FBXL17: variants seen among roughly 807,000 people sequenced by gnomAD.
The protein encoded by FBXL17 is F-box and leucine rich repeat protein 17, also known as F-box/LRR-repeat protein 17.
A neutral mutation model predicts 66.2 loss-of-function variants in FBXL17; 22 were observed. That is an observed-to-expected ratio of 0.33 (90% CI 0.24 to 0.47). The LOEUF (loss-of-function observed/expected upper bound fraction) is 0.47. FBXL17 is among the 20% of genes least tolerant of loss of function. The pLI, the probability that FBXL17 is intolerant of heterozygous loss-of-function variation, is 1.00. For missense variants in FBXL17, 878 were observed against 948.2 expected (o/e 0.93, Z 0.97); for synonymous variants, 474 against 400.5 (o/e 1.18, Z -2.19).
chr5:108,195,603 T>G (rs377729183), intron 5 of FBXL17, among the ~76,000 whole-genome samples: 1 of 152,288 alleles, frequency 6.6e-6, no homozygotes, highest in South Asian at 2.1e-4. Context: ...GAGTGTACTA[T>G]GTTCTAATTT....
At chr5:108,076,955 T>C (rs969680603) in intron 6 of FBXL17, among the ~76,000 whole-genome samples, 4 of 152,208 alleles carry the variant, frequency 2.6e-5, no homozygotes, top group Admixed American at 2.6e-4. Context: ...AGAAACCCCT[T>C]GGAAAGACTG....
chr5:108,230,311 A>C (rs1755272545), intron 4 of FBXL17, among the ~76,000 whole-genome samples: 1 of 152,206 alleles, frequency 6.6e-6, no homozygotes, highest in South Asian at 2.1e-4. Context: ...CAAAAATATG[A>C]AACCAGCCCA....
intron 7 of FBXL17, among the ~76,000 whole-genome samples, chr5:107,956,176 GATGA>G (rs1751660183): frequency 6.6e-6 from 1 of 152,062 alleles, no homozygotes; most frequent in Non-Finnish European, 1.5e-5. Flanking sequence ...ACACACAATG[GATGA>G]ATGTATAGAT....
intron 6 of FBXL17, among the ~76,000 whole-genome samples, chr5:108,170,183 A>G (rs1350819563): frequency 6.6e-6 from 1 of 152,212 alleles, no homozygotes; most frequent in Non-Finnish European, 1.5e-5. Flanking sequence ...AATTCAGTTT[A>G]AATTCAAGTT....
chr5:107,909,567 T>C (rs1749881592), intron 7 of FBXL17, among the ~76,000 whole-genome samples: 1 of 152,208 alleles, frequency 6.6e-6, no homozygotes. Context: ...TAAACTAAAA[T>C]ATTTCTTCAG....
intron 6 of FBXL17, among the ~76,000 whole-genome samples, chr5:108,025,704 A>AC (rs1754781019): frequency 8.1e-6 from 1 of 123,392 alleles, no homozygotes; most frequent in African/African-American, 4.6e-5. Context: ...CACACACACA[A>AC]ACACACACAC....
chr5:108,321,130 C>CA (rs1443528926), intron 4 of FBXL17, among the ~76,000 whole-genome samples: 2 of 149,742 alleles, frequency 1.3e-5, no homozygotes, highest in African/African-American at 5.1e-5. Context: ...TGCTGATGCT[C>CA]GTAAGAAATT....
chr5:108,147,252 A>T (rs1751596474), intron 6 of FBXL17, among the ~76,000 whole-genome samples: 1 of 152,234 alleles, frequency 6.6e-6, no homozygotes, highest in Non-Finnish European at 1.5e-5. Flanking sequence ...CGAAGCAGAA[A>T]AAATAAAAGT....
At chr5:108,094,513 T>C (rs769483543) in intron 6 of FBXL17, among the ~76,000 whole-genome samples, 64 of 152,234 alleles carry the variant, frequency 4.2e-4, no homozygotes, top group Middle Eastern at 3.4e-3. Context: ...CTCTCCAATA[T>C]ATTTAAAGAA....
chr5:108,352,148 T>A (rs961690790), intron 3 of FBXL17, among the ~76,000 whole-genome samples: 7 of 152,234 alleles, frequency 4.6e-5, no homozygotes, highest in African/African-American at 1.7e-4. Flanking sequence ...TTACTACTAC[T>A]GAGTAAAACC....
chr5:107,967,827 T>C (rs1042835779), intron 7 of FBXL17, among the ~76,000 whole-genome samples: 3 of 152,148 alleles, frequency 2.0e-5, no homozygotes, highest in African/African-American at 4.8e-5. Context: ...CAGCTTTTTA[T>C]GTTACAAATA....
intron 7 of FBXL17, among the ~76,000 whole-genome samples, chr5:107,952,551 G>A (rs1239471679): frequency 6.6e-6 from 1 of 152,192 alleles, no homozygotes; most frequent in South Asian, 2.1e-4. Flanking sequence ...GTTCTCTGAT[G>A]TATGTTACAT....
chr5:108,010,388 G>T (rs963212416), intron 7 of FBXL17, among the ~76,000 whole-genome samples: 4 of 152,128 alleles, frequency 2.6e-5, no homozygotes, highest in African/African-American at 9.7e-5. Context: ...ATGTGTCTGG[G>T]GATTAAGTGA....
intron 7 of FBXL17, among the ~76,000 whole-genome samples, chr5:107,907,195 C>T (rs2112541093): frequency 1.3e-5 from 2 of 152,276 alleles, no homozygotes; most frequent in South Asian, 2.1e-4. Flanking sequence ...TTGTAAAGAC[C>T]TCTGAAGTGT....
At chr5:108,263,755 A>G (rs1554081178) in intron 4 of FBXL17, among the ~76,000 whole-genome samples, 4 of 152,210 alleles carry the variant, frequency 2.6e-5, no homozygotes, top group Non-Finnish European at 2.9e-5. Context: ...TTTTCACATT[A>G]TCCTGAAAAA....
chr5:108,154,397 C>A (rs1192641765), intron 6 of FBXL17, among the ~76,000 whole-genome samples: 1 of 150,360 alleles, frequency 6.7e-6, no homozygotes, highest in Admixed American at 6.6e-5. Context: ...AGTTCGAGAC[C>A]AGCCTCAACA....
At chr5:108,235,385 A>G (rs779398933) in intron 4 of FBXL17, among the ~76,000 whole-genome samples, 1 of 152,214 alleles carries the variant, frequency 6.6e-6, no homozygotes, top group African/African-American at 2.4e-5. Context: ...TCGTTATACT[A>G]GCACTGTAAA....
intron 6 of FBXL17, among the ~76,000 whole-genome samples, chr5:108,022,276 C>T (rs1490526634): frequency 2.0e-5 from 3 of 151,662 alleles, no homozygotes; most frequent in African/African-American, 4.8e-5. Context: ...CAACACAATG[C>T]AATTATGATT....
intron 6 of FBXL17, among the ~76,000 whole-genome samples, chr5:108,108,784 T>C (rs1368369496): frequency 1.4e-5 from 2 of 145,400 alleles, no homozygotes; most frequent in Admixed American, 6.7e-5. Flanking sequence ...CACTTTGTTT[T>C]TGTTTTTTTT....
Sources: gnomAD v4.1 joint callset for allele counts (sites outside exome capture counted in the v4.1 genomes callset) on GRCh38, gnomAD v4.1.1 for gene constraint, MANE v1.5 for transcripts, NCBI Gene and HGNC (gene_info 2026-07-23, HGNC 2026-07-21) for gene names.